The following SNX14 variants were observed in gnomAD, a reference collection of about 807,000 sequenced individuals.
SNX14 encodes the protein sorting nexin 14.
A neutral mutation model predicts 133.8 loss-of-function variants in SNX14; 93 were observed. The ratio of observed to expected loss-of-function variants is 0.70; its 90% CI spans 0.59 to 0.83. The LOEUF is 0.83. Ranked by LOEUF, SNX14 falls within the 40% of genes least tolerant of loss-of-function variation. The probability of loss-of-function intolerance (pLI) is 0.00; values close to 1 mark genes in which losing one functional copy is unlikely to be tolerated. For missense variants in SNX14, 945 were observed against 1,094.9 expected (o/e 0.86, Z 1.93); for synonymous variants, 368 against 365.6 (o/e 1.01, Z -0.07).
chr6:85,506,956 T>A (rs186636227), intron 28 of SNX14, among the ~76,000 whole-genome samples: 1 of 152,262 alleles, frequency 6.6e-6, no homozygotes, highest in African/African-American at 2.4e-5. Flanking sequence ...TGCTAGGACT[T>A]ACACTCACTT....
At chr6:85,539,005 G>A (rs1407918946) in intron 15 of SNX14, 141 bp from the exon 16 acceptor site, 2 of 567,236 alleles carry the variant, frequency 3.5e-6, no homozygotes, top group Non-Finnish European at 5.8e-6. Flanking sequence ...TTTTTGCAAA[G>A]GGAAGAAATC....
chr6:85,509,119 A>G (rs1771834460), intron 26 of SNX14, among the ~76,000 whole-genome samples: 1 of 152,216 alleles, frequency 6.6e-6, no homozygotes, highest in Non-Finnish European at 1.5e-5. Flanking sequence ...TCACTAAGTA[A>G]GAGATGAGGA....
chr6:85,588,870 T>C (rs1235085628), intron 1 of SNX14: 1 of 454,694 alleles, frequency 2.2e-6, no homozygotes, highest in Non-Finnish European at 4.4e-6. Context: ...TACTATTAAG[T>C]GGAAGTGGAT....
Position 85,584,125 on chromosome 6 carries a change from C to T in SNX14, c.140+9454G>A, listed in dbSNP as rs1799913193. 2.0e-5 allele frequency among the ~76,000 whole-genome samples: 3 copies of T among 152,094 alleles called. No individual in the cohort carries two copies. The South Asian group carries it at 6.2e-4, about 32-fold the overall frequency. The stretch of plus-strand genomic sequence containing the variant: ...CTACAACCATCTGATCTTTGACAAA[C>T]CTGACAAAAACAAGCAATGAAGAAA... On this transcript the variant is annotated intron_variant, in intron 1 of 28. Transcript: ENST00000314673.
intron 5 of SNX14, among the ~76,000 whole-genome samples, chr6:85,567,152 T>A (rs1204096029): frequency 6.6e-6 from 1 of 152,184 alleles, no homozygotes; most frequent in Non-Finnish European, 1.5e-5. Flanking sequence ...ATTCTACAAG[T>A]TACTTTTCTT....
At chr6:85,545,588 T>A (rs934233613) in intron 12 of SNX14, among the ~76,000 whole-genome samples, 1 of 152,210 alleles carries the variant, frequency 6.6e-6, no homozygotes, top group African/African-American at 2.4e-5. Context: ...ATTAAGAAGA[T>A]ATAACAATCT....
chr6:85,539,754 A>T (rs1783044634), intron 15 of SNX14, among the ~76,000 whole-genome samples: 1 of 151,932 alleles, frequency 6.6e-6, no homozygotes, highest in South Asian at 2.1e-4. Context: ...AACATACTTT[A>T]AAAAGTCATA....
At chr6:85,535,111 C>G (rs1173914292) in intron 17 of SNX14, among the ~76,000 whole-genome samples, 1 of 150,072 alleles carries the variant, frequency 6.7e-6, no homozygotes, top group Non-Finnish European at 1.5e-5. Flanking sequence ...TCACTGCAGC[C>G]TTGACCTCCT....
chr6:85,561,642 AAAG>A (rs1791640125), intron 6 of SNX14, among the ~76,000 whole-genome samples: 2 of 152,148 alleles, frequency 1.3e-5, no homozygotes, highest in Admixed American at 1.3e-4. Context: ...AGACAAATAT[AAAG>A]AAGTGCATGG....
chr6:85,567,535 T>C lies in SNX14; in HGVS notation c.460A>G (p.Arg154Gly). 1 of 1,504,036 alleles carries C rather than the reference T, an allele frequency of 6.6e-7. No individual in the cohort carries two copies. Among genetic ancestry groups the C allele is most frequent in the Non-Finnish European group, 8.8e-7 (1 of 1,134,322 alleles). 93.2% of individuals were successfully genotyped at this position (1,504,036 alleles called of 1,614,324 possible). The change falls in exon 5 of 29, where the codon AGG (arginine) becomes GGG (glycine). Residue 154 changes from arginine to glycine, a missense_variant and splice_region_variant. By Grantham distance (125) the Arg-to-Gly change is moderately radical (BLOSUM62 -2). This residue lies in a region of SNX14 where 514 missense variants were observed against 538.8 expected (regional missense o/e 0.95). Transcript: ENST00000314673. ...AAAGATCTTATAGAAAGAACATACC[T>C]GTACCACGGATAAACAAAGTTTTCC... ...VLENFVYPWYRDVTDDESFVD... is the reference protein window; with the variant it reads ...VLENFVYPWYGDVTDDESFVD...
chr6:85,586,562 T>C (rs1358585237), intron 1 of SNX14, among the ~76,000 whole-genome samples: 1 of 152,154 alleles, frequency 6.6e-6, no homozygotes, highest in Non-Finnish European at 1.5e-5. Flanking sequence ...TATAGTTTTG[T>C]ATGGAAGTGA....
intron 26 of SNX14, chr6:85,508,363 T>G (rs1771501871): frequency 9.6e-7 from 1 of 1,043,692 alleles, no homozygotes; most frequent in Non-Finnish European, 1.2e-6. Flanking sequence ...AAAATAATAC[T>G]TATTGTATTA....
At chr6:85,513,709 A>G in intron 26 of SNX14, 91 bp downstream of exon 26, 1 of 900,748 alleles carries the variant, frequency 1.1e-6, no homozygotes, top group Non-Finnish European at 1.7e-6. Context: ...GAAAACTCAC[A>G]GTAAAAAATT....
At chr6:85,507,784 A>T (rs993538844) in intron 27 of SNX14, among the ~76,000 whole-genome samples, 184 bp downstream of exon 27, 1 of 152,168 alleles carries the variant, frequency 6.6e-6, no homozygotes, top group Non-Finnish European at 1.5e-5. Flanking sequence ...AATTCATCTT[A>T]TTTAGAAAAA....
chr6:85,535,604 C>CAAA (rs10707377), intron 17 of SNX14, among the ~76,000 whole-genome samples: 37 of 84,246 alleles, frequency 4.4e-4, no homozygotes, highest in African/African-American at 1.1e-3. Flanking sequence ...GACTCCGTCT[C>CAAA]AAAAAAAAAA....
chr6:85,506,641 T>C (rs912909163), intron 28 of SNX14, among the ~76,000 whole-genome samples: 5 of 152,176 alleles, frequency 3.3e-5, no homozygotes, highest in Non-Finnish European at 5.9e-5. Flanking sequence ...AATAAGTAAA[T>C]AGCCCAAATC....
At chr6:85,582,942 C>A (rs1342936116) in intron 1 of SNX14, among the ~76,000 whole-genome samples, 1 of 152,136 alleles carries the variant, frequency 6.6e-6, no homozygotes, top group Non-Finnish European at 1.5e-5. Flanking sequence ...ATCATCCTGA[C>A]ACCAAAACCT....
At chr6:85,555,730 C>T (rs1789502327) in intron 7 of SNX14, among the ~76,000 whole-genome samples, 1 of 152,158 alleles carries the variant, frequency 6.6e-6, no homozygotes, top group Non-Finnish European at 1.5e-5. Context: ...TGGCTCATGC[C>T]TGTAATCTCA....
rs978650714 is a variant in SNX14 at position 85,538,936 on chromosome 6, T to C, written c.1449-72A>G. On this transcript the variant is annotated intron_variant, in intron 15 of 28. Transcript: ENST00000314673. The stretch of plus-strand genomic sequence containing the variant: ...AAGCCCAGATATTATATAAACTTCA[T>C]TTTAGAACACAAAACAAAATTTAAA... The C allele has an allele frequency of 1.3e-5, 17 of 1,337,082 alleles. 1 individual carries two copies. Among genetic ancestry groups the C allele is most frequent in the Middle Eastern group, 1.9e-4 (1 of 5,192 alleles). The allele number at this position is 1,337,082 out of a possible 1,614,324, so 82.8% of individuals were successfully genotyped here.
Sources: gnomAD v4.1 joint callset for allele counts (sites outside exome capture counted in the v4.1 genomes callset) on GRCh38, gnomAD v4.1.1 for gene constraint, gnomAD v4.1.1 regional missense constraint, MANE v1.5 for transcripts, NCBI Gene and HGNC (gene_info 2026-07-23, HGNC 2026-07-21) for gene names.